The following ALK variants were observed in gnomAD, a reference collection of about 807,000 sequenced individuals.
ALK encodes the protein ALK receptor tyrosine kinase.
A neutral mutation model predicts 163.1 loss-of-function variants in ALK; 74 were observed. The ratio of observed to expected loss-of-function variants is 0.45; its 90% CI spans 0.38 to 0.55. ALK has a LOEUF of 0.55. Among genes scored for constraint, ALK ranks in the 20% least tolerant of loss-of-function variants. The pLI is 0.00. For synonymous variants in ALK, 960 were observed against 843.2 expected (o/e 1.14, Z -2.40); for missense variants, 2,063 against 2,105.3 (o/e 0.98, Z 0.39).
rs1060503879 is a variant in ALK at position 29,920,552 on chromosome 2, C to T, written c.108G>A (p.Pro36=). Residue 36 remains proline (P), a synonymous_variant, in exon 1 of 29, where the codon CCG becomes CCA. Transcript: ENST00000389048. ...TGAGTGGCTCCCGGGGCTGCAGCGG[C>T]GGCCCCGCAGCTGGGGAGCCCGCGC... The part of the protein sequence containing the change: ...GQRAGSPAAG[P]PLQPREPLSY... 4 of 1,603,966 alleles carry T rather than the reference C, an allele frequency of 2.5e-6. No homozygotes were observed. The highest frequency in any genetic ancestry group is 3.4e-4 in the Middle Eastern group (2 of 5,966).
At chr2:29,416,970 T>C (rs1669894864) in intron 4 of ALK, among the ~76,000 whole-genome samples, 1 of 149,062 alleles carries the variant, frequency 6.7e-6, no homozygotes, top group African/African-American at 2.5e-5. Flanking sequence ...GTTTTATAGA[T>C]GTTTGATGCT....
chr2:29,615,556 C>T (rs935525385), intron 3 of ALK, among the ~76,000 whole-genome samples: 3 of 152,132 alleles, frequency 2.0e-5, no homozygotes, highest in East Asian at 1.9e-4. Flanking sequence ...ATACATTTAG[C>T]GTTATTATCA....
intron 1 of ALK, among the ~76,000 whole-genome samples, chr2:29,781,662 G>A (rs1174554486): frequency 6.6e-6 from 1 of 151,544 alleles, no homozygotes; most frequent in African/African-American, 2.4e-5. Context: ...TCCTAAACCT[G>A]TGTCTGAAAG....
At chr2:29,919,862 G>A in intron 1 of ALK, 131 bp downstream of exon 1, 2 of 1,151,092 alleles carry the variant, frequency 1.7e-6, no homozygotes, top group Non-Finnish European at 2.4e-6. Flanking sequence ...GGAGGTTTGC[G>A]GGAGGAAGGA....
chr2:29,578,549 C>G (rs562728664), intron 3 of ALK, among the ~76,000 whole-genome samples: 1 of 152,160 alleles, frequency 6.6e-6, no homozygotes, highest in South Asian at 2.1e-4. Context: ...TTGAGGAGGG[C>G]CCTCAGGGCC....
intron 3 of ALK, among the ~76,000 whole-genome samples, chr2:29,551,775 G>T (rs1407268325): frequency 6.6e-6 from 1 of 151,964 alleles, no homozygotes; most frequent in Non-Finnish European, 1.5e-5. Context: ...AACTCTGGAG[G>T]TTAGAATATT....
intron 1 of ALK, among the ~76,000 whole-genome samples, chr2:29,905,576 G>A (rs1278334089): frequency 6.6e-6 from 1 of 151,474 alleles, no homozygotes; most frequent in Non-Finnish European, 1.5e-5. Flanking sequence ...AAAGGGAAGG[G>A]AAGGGGCAAG....
rs536284304 is a variant in ALK at position 29,920,188 on chromosome 2, G to T, written c.472C>A (p.Pro158Thr). 1.8e-5 allele frequency: 29 copies of T among 1,613,520 alleles called. 1 individual carries two copies. In the East Asian group the frequency reaches 6.2e-4, roughly 35 times the overall value. Residue 158 changes from proline (P) to threonine (T), a missense_variant, in exon 1 of 29, where the codon CCC becomes ACC. Pro to Thr is a conservative substitution (Grantham distance 38). Transcript: ENST00000389048. ...AGCAGCCCCACAGCCGCCTCCCCGG[G>T]GGGCCCGACGCAACCCTCCAAGATC... ...EAILEGCVGPPGEAAVGLLQF... is the reference protein window; with the variant it reads ...EAILEGCVGPTGEAAVGLLQF...
intron 1 of ALK, among the ~76,000 whole-genome samples, chr2:29,747,354 T>C (rs1363345940): frequency 2.0e-5 from 3 of 152,206 alleles, no homozygotes; most frequent in Non-Finnish European, 4.4e-5. Context: ...TCAGAAACAA[T>C]TGTCTACAGG....
At chr2:29,589,678 A>G (rs958454018) in intron 3 of ALK, among the ~76,000 whole-genome samples, 1 of 152,162 alleles carries the variant, frequency 6.6e-6, no homozygotes, top group African/African-American at 2.4e-5. Flanking sequence ...CTCCACTGCT[A>G]TTGTATAGAG....
At chr2:29,804,495 C>T (rs890534850) in intron 1 of ALK, among the ~76,000 whole-genome samples, 12 of 152,208 alleles carry the variant, frequency 7.9e-5, no homozygotes, top group African/African-American at 2.9e-4. Context: ...GTAAGGCAGG[C>T]CAGGAAGACT....
At chr2:29,743,292 T>G (rs960100668) in intron 1 of ALK, among the ~76,000 whole-genome samples, 1 of 152,242 alleles carries the variant, frequency 6.6e-6, no homozygotes, top group African/African-American at 2.4e-5. Context: ...TTCCTCTGTT[T>G]CATTTAGAGT....
chr2:29,272,924 C>G (rs1426245291), intron 11 of ALK, among the ~76,000 whole-genome samples: 1 of 152,208 alleles, frequency 6.6e-6, no homozygotes, highest in African/African-American at 2.4e-5. Flanking sequence ...CCCTTAAATT[C>G]TTCCATACCA....
rs534231050 is a variant in ALK at position 29,650,925 on chromosome 2, T to A, written c.952+43925A>T. ...ATGCTCTCCAGATGCACCAAACGAATTAAATCATGCGATAATTCAATTGGA... is the reference window on the plus strand; with the variant it reads ...ATGCTCTCCAGATGCACCAAACGAAATAAATCATGCGATAATTCAATTGGA... On this transcript the variant is annotated intron_variant, in intron 3 of 28. Transcript: ENST00000389048. Among the ~76,000 whole-genome samples, 8 of 152,232 alleles carry A rather than the reference T, an allele frequency of 5.3e-5. No homozygotes were observed. In the South Asian group the frequency reaches 1.7e-3, roughly 32 times the overall value.
At chr2:29,710,425 C>T (rs1164678469) in intron 2 of ALK, among the ~76,000 whole-genome samples, 1 of 151,958 alleles carries the variant, frequency 6.6e-6, no homozygotes, top group Non-Finnish European at 1.5e-5. Context: ...CTCTGCTTAC[C>T]TCTCAAATGA....
intron 5 of ALK, among the ~76,000 whole-genome samples, chr2:29,334,925 A>G (rs1277317506): frequency 6.6e-6 from 1 of 152,186 alleles, no homozygotes; most frequent in East Asian, 1.9e-4. Context: ...AATTCCAAGA[A>G]GGAATGTATC....
chr2:29,880,258 G>C (rs1666821273), intron 1 of ALK, among the ~76,000 whole-genome samples: 1 of 152,176 alleles, frequency 6.6e-6, no homozygotes, highest in Non-Finnish European at 1.5e-5. Flanking sequence ...CTTCTATCTT[G>C]ATTGGGTCCT....
At chr2:29,217,011 C>T (rs144225761) in intron 23 of ALK, among the ~76,000 whole-genome samples, 29 of 103,738 alleles carry the variant, frequency 2.8e-4, no homozygotes, top group South Asian at 3.3e-4. Context: ...GTGGTGTGTG[C>T]GTGAGTGTAT....
At chr2:29,861,938 T>C (rs1451271134) in intron 1 of ALK, among the ~76,000 whole-genome samples, 1 of 152,140 alleles carries the variant, frequency 6.6e-6, no homozygotes, top group Non-Finnish European at 1.5e-5. Context: ...CACGATCAAG[T>C]GGGATTAATC....
Sources: gnomAD v4.1 joint callset for allele counts (sites outside exome capture counted in the v4.1 genomes callset) on GRCh38, gnomAD v4.1.1 for gene constraint, MANE v1.5 for transcripts, NCBI Gene and HGNC (gene_info 2026-07-23, HGNC 2026-07-21) for gene names.